The following PTPRU variants were observed in gnomAD, a reference collection of about 807,000 sequenced individuals.
PTPRU encodes receptor-type tyrosine-protein phosphatase U.
In PTPRU, 69 loss-of-function variants were observed where a neutral mutation model predicts 166.3. The observed-to-expected ratio is 0.41, with a 90% CI of 0.34 to 0.51. The LOEUF is 0.51. PTPRU is among the 20% of genes least tolerant of loss of function. PTPRU has a pLI of 0.09. For synonymous variants in PTPRU, 793 were observed against 814.0 expected (o/e 0.97, Z 0.44); for missense variants, 1,657 against 2,013.7 (o/e 0.82, Z 3.39).
At position 29,305,517 on chromosome 1, in the gene PTPRU, A is replaced by G; in HGVS notation, c.2820+89A>G. On this transcript the variant is annotated intron_variant, in intron 18 of 29. Coordinates refer to ENST00000373779, the MANE Select transcript of PTPRU (RefSeq NM_133178.4). ...GCAGGGCAGAAACCTGTCGGGATAA[A>G]TGGGGGTTCAAATGGCTGAGTTCGG... 8 of 1,340,192 alleles carry G rather than the reference A, an allele frequency of 6.0e-6. No homozygotes were observed. In the South Asian group the frequency reaches 9.4e-5, roughly 16 times the overall value. 83.0% of individuals were successfully genotyped at this position (1,340,192 alleles called of 1,614,324 possible).
intron 15 of PTPRU, among the ~76,000 whole-genome samples, chr1:29,302,765 G>T (rs977822969): frequency 6.6e-6 from 1 of 152,030 alleles, no homozygotes; most frequent in Non-Finnish European, 1.5e-5. Flanking sequence ...TGGCCAGGTT[G>T]GTCTTGAACT....
At chr1:29,285,433 G>A (rs1027847931) in intron 14 of PTPRU, among the ~76,000 whole-genome samples, 2 of 152,058 alleles carry the variant, frequency 1.3e-5, no homozygotes, top group Admixed American at 6.5e-5. Context: ...TCCCCCTGCC[G>A]CCCCTACTAT....
At chr1:29,267,903 AGTG>A (rs1409650908) in intron 7 of PTPRU, among the ~76,000 whole-genome samples, 1 of 152,154 alleles carries the variant, frequency 6.6e-6, no homozygotes, top group Non-Finnish European at 1.5e-5. Context: ...GCCGAGTGGA[AGTG>A]GTGGTGGTGG....
rs1210261164 is a variant in PTPRU at position 29,237,667 on chromosome 1, G to T, written c.73+950G>T. 4.6e-5 allele frequency among the ~76,000 whole-genome samples: 7 copies of T among 151,280 alleles called. No homozygotes were observed. The highest frequency in any genetic ancestry group is 4.6e-4 in the Admixed American group (7 of 15,208). On this transcript the variant is annotated intron_variant, in intron 1 of 29. Coordinates refer to ENST00000373779, the MANE Select transcript of PTPRU (RefSeq NM_133178.4). The surrounding 1 kb of genome is among the most constrained non-coding windows in gnomAD (Gnocchi z 6.4). ...AGGGCCCGAGGCTCAGGGGAGGACC[G>T]GGCCCCGCGGCCGCCGCCTCGGGCA... is the stretch of plus-strand genomic sequence containing the variant.
chr1:29,254,542 G>A (rs1263761661), intron 1 of PTPRU, among the ~76,000 whole-genome samples: 2 of 152,162 alleles, frequency 1.3e-5, no homozygotes, highest in Non-Finnish European at 2.9e-5. Context: ...TAATTTGGCC[G>A]ACTTTGGGCA....
chr1:29,292,374 G>A (rs761871494), intron 15 of PTPRU, among the ~76,000 whole-genome samples: 3 of 152,174 alleles, frequency 2.0e-5, no homozygotes, highest in Non-Finnish European at 4.4e-5. Flanking sequence ...GAGAGAGACC[G>A]ATATAGAGTC....
Position 29,258,648 on chromosome 1 carries a change from C to G in PTPRU, c.349C>G (p.Leu117Val), listed in dbSNP as rs770088302. The G allele has an allele frequency of 1.9e-6, 3 of 1,614,260 alleles. No individual in the cohort carries two copies. In the South Asian group the frequency reaches 3.3e-5, roughly 18 times the overall value. The change falls in exon 3 of 30, where the codon CTG becomes GTG. Residue 117 changes from leucine (L) to valine (V), a missense_variant. Coordinates refer to ENST00000373779, the MANE Select transcript of PTPRU (RefSeq NM_133178.4). ...YSRDGHSPGT[L>V]GVYVRVNGGP... is the part of the protein sequence containing the mutation. Reference sequence around the variant, plus strand: ...CCGGGACGGGCACAGCCCGGGCACCCTGGGCGTCTACGTGCGCGTTAATGG... The same window carrying G: ...CCGGGACGGGCACAGCCCGGGCACCGTGGGCGTCTACGTGCGCGTTAATGG...
intron 16 of PTPRU, among the ~76,000 whole-genome samples, chr1:29,304,342 A>G (rs1048871214): frequency 2.0e-5 from 3 of 152,184 alleles, no homozygotes; most frequent in East Asian, 1.9e-4. Flanking sequence ...GCCCACTGAC[A>G]CTGACCTTGA....
intron 26 of PTPRU, among the ~76,000 whole-genome samples, chr1:29,322,868 A>G (rs1688221670): frequency 6.6e-6 from 1 of 151,878 alleles, no homozygotes; most frequent in Non-Finnish European, 1.5e-5. Flanking sequence ...AGGGGGTTGT[A>G]TTTAGGACCC....
Position 29,305,385 on chromosome 1 carries a change from T to C in PTPRU, c.2777T>C (p.Leu926Pro). The C allele has an allele frequency of 1.2e-6, 2 of 1,614,066 alleles. No homozygotes were observed. The highest frequency in any genetic ancestry group is 2.2e-5 in the South Asian group (2 of 91,086). The change falls in exon 18 of 30, where the codon CTG becomes CCG. Residue 926 changes from leucine (L) to proline (P), a missense_variant. By Grantham distance (98) the Leu-to-Pro change is moderately conservative. Coordinates refer to ENST00000373779, the MANE Select transcript of PTPRU (RefSeq NM_133178.4). Reference protein sequence around the residue: ...DRHRVKLHPMLGDPNADYINA... With the variant: ...DRHRVKLHPMPGDPNADYINA... ...CACCGAGTGAAACTGCACCCGATGC[T>C]GGGAGACCCCAATGCCGACTACATT...
intron 28 of PTPRU, among the ~76,000 whole-genome samples, chr1:29,324,232 T>C (rs1158972631): frequency 6.6e-6 from 1 of 152,212 alleles, no homozygotes; most frequent in Non-Finnish European, 1.5e-5. Context: ...CATGTCTGGG[T>C]GCAGTCACTC....
intron 11 of PTPRU, among the ~76,000 whole-genome samples, chr1:29,281,108 G>A (rs1686064059): frequency 6.6e-6 from 1 of 152,034 alleles, no homozygotes; most frequent in African/African-American, 2.4e-5. Context: ...GAGGGTGACA[G>A]CCTTTAGGTG....
rs567177554 is a variant in PTPRU, at chr1:29,295,682, A to G, written c.2476+3656A>G. Among the ~76,000 whole-genome samples the G allele has an allele frequency of 1.6e-3, 245 of 151,762 alleles. 1 individual carries two copies. The highest frequency in any genetic ancestry group is 6.8e-3 in the Middle Eastern group (2 of 292). On this transcript the variant is annotated intron_variant, in intron 15 of 29. Coordinates refer to ENST00000373779, the MANE Select transcript of PTPRU (RefSeq NM_133178.4). ...ATTTTTGATTGCATATTGATCTTAC[A>G]TTCATACTTCTTTTTTTTTTGTGAG...
In PTPRU at chr1:29,303,871, T is replaced by C; in HGVS notation, c.2493T>C (p.Gly831=). 2.5e-6 allele frequency: 4 copies of C among 1,611,062 alleles called. No individual in the cohort carries two copies. The South Asian group carries it at 3.3e-5, about 13-fold the overall frequency. Residue 831 remains glycine (G), a synonymous_variant, in exon 16 of 30, where the codon GGT becomes GGC. Transcript: ENST00000373779. ...TGACTGCAGGAGACCAGCGCAGCGG[T>C]GGGGTCACTGAGGCCAGCAGCCTCC... ...GYSTRGDQRS[G]GVTEASSLLG...
chr1:29,268,161 C>T (rs1021266537), intron 7 of PTPRU, among the ~76,000 whole-genome samples: 2 of 152,150 alleles, frequency 1.3e-5, no homozygotes, highest in Non-Finnish European at 2.9e-5. Flanking sequence ...CCCTATTAGA[C>T]ATTCAAGTGG....
At position 29,315,390 on chromosome 1, in the gene PTPRU, A is replaced by G; in HGVS notation, c.3246A>G (p.Thr1082=). The change falls in exon 23 of 30, where the codon ACA becomes ACG. Residue 1082 remains threonine, a synonymous_variant. Coordinates refer to ENST00000373779, the MANE Select transcript of PTPRU (RefSeq NM_133178.4). The surrounding 1 kb of genome is among the most constrained non-coding windows in gnomAD (Gnocchi z 4.5). ...VIHCSAGTGR[T]GCYIVLDVML... is the part of the protein sequence containing the mutation. ...TCTCCAGCGCGGGCACCGGCCGCACAGGTTGCTATATCGTCCTGGATGTGA... is the reference window on the plus strand; with the variant it reads ...TCTCCAGCGCGGGCACCGGCCGCACGGGTTGCTATATCGTCCTGGATGTGA... 1 of 1,614,200 alleles carries G rather than the reference A, an allele frequency of 6.2e-7. No homozygotes were observed. The highest frequency in any genetic ancestry group is 8.5e-7 in the Non-Finnish European group (1 of 1,180,040).
At chr1:29,289,121 G>A (rs1029887660) in intron 14 of PTPRU, among the ~76,000 whole-genome samples, 3 of 151,912 alleles carry the variant, frequency 2.0e-5, no homozygotes, top group African/African-American at 7.3e-5. Context: ...TATGGGCAGA[G>A]GGCCGTGCAG....
At chr1:29,305,634 T>C (rs755800112) in intron 18 of PTPRU, 1 of 752,718 alleles carries the variant, frequency 1.3e-6, no homozygotes, top group African/African-American at 1.7e-5. Flanking sequence ...AGGTGGGAGT[T>C]GGCCTGAGAG....
chr1:29,309,863 G>A (rs1687568071), intron 18 of PTPRU, among the ~76,000 whole-genome samples: 2 of 152,214 alleles, frequency 1.3e-5, no homozygotes, highest in African/African-American at 4.8e-5. Flanking sequence ...TGAGGTAGGG[G>A]GCTGGGCTAG....
Sources: allele counts gnomAD v4.1 joint callset (sites outside exome capture counted in the v4.1 genomes callset), GRCh38; gene constraint gnomAD v4.1.1; non-coding constraint Gnocchi (gnomAD v3.1); transcripts MANE v1.5; gene names NCBI Gene and HGNC (gene_info 2026-07-23, HGNC 2026-07-21).